CTSC: variants seen among roughly 807,000 people sequenced by gnomAD.
CTSC encodes the protein cathepsin C.
CTSC carries 37 observed loss-of-function variants against 40.9 expected under a neutral mutation model. That is an observed-to-expected ratio of 0.91 (90% CI 0.70 to 1.19). CTSC has a LOEUF of 1.19. Ranked by LOEUF, CTSC falls within the 50% of genes most tolerant of loss-of-function variation. CTSC has a pLI of 0.00. For missense variants in CTSC, 594 were observed against 567.3 expected (o/e 1.05, Z -0.48); for synonymous variants, 232 against 207.4 (o/e 1.12, Z -1.02).
rs550944853 is a variant in CTSC at position 88,310,297 on chromosome 11, C to T, written c.486-979G>A. Reference sequence around the variant, plus strand: ...GATATATATGTAAATAGATTCAACACACAAAGAGCATATTTACAAAGTAGA... The same window carrying T: ...GATATATATGTAAATAGATTCAACATACAAAGAGCATATTTACAAAGTAGA... On this transcript the variant is annotated intron_variant, in intron 3 of 6. Coordinates refer to ENST00000227266, the MANE Select transcript of CTSC (RefSeq NM_001814.6). Among the ~76,000 whole-genome samples, 3 of 151,448 alleles carry T rather than the reference C, an allele frequency of 2.0e-5. No homozygotes were observed. In the South Asian group the frequency reaches 6.2e-4, roughly 32 times the overall value.
At chr11:88,324,283 C>G (rs756909283) in intron 2 of CTSC, 39 of 740,192 alleles carry the variant, frequency 5.3e-5, no homozygotes, top group Non-Finnish European at 5.9e-5. Context: ...AAATGTAAAA[C>G]CCAAAACAAT....
chr11:88,294,290 T>C lies in CTSC; in HGVS notation c.1108A>G (p.Met370Val). 1 of 1,614,128 alleles carries C rather than the reference T, an allele frequency of 6.2e-7. No homozygotes were observed. Among genetic ancestry groups the C allele is most frequent in the East Asian group, 2.2e-5 (1 of 44,870 alleles). Residue 370 changes from methionine (M) to valine (V), a missense_variant, in exon 7 of 7, where the codon ATG becomes GTG. Met to Val is a conservative substitution (Grantham distance 21). Coordinates refer to ENST00000227266, the MANE Select transcript of CTSC (RefSeq NM_001814.6). ...MKLELVHHGP[M>V]AVAFEVYDDF... ...TCATATACTTCAAAAGCAACTGCCA[T>C]GGGCCCATGATGGACCAACTCAAGC... is the stretch of plus-strand genomic sequence containing the variant.
chr11:88,314,504 T>G (rs912234890), intron 2 of CTSC, among the ~76,000 whole-genome samples: 5 of 152,172 alleles, frequency 3.3e-5, no homozygotes, highest in African/African-American at 1.2e-4. Flanking sequence ...TATCCGCATC[T>G]TGCTTTTATC....
At chr11:88,325,036 C>G in intron 2 of CTSC, 1 of 985,030 alleles carries the variant, frequency 1.0e-6, no homozygotes, top group Non-Finnish European at 1.2e-6. Flanking sequence ...GAAAGTCCAC[C>G]CAGACAATAT....
At chr11:88,336,145 A>G (rs11019394) in intron 1 of CTSC, among the ~76,000 whole-genome samples, 15,222 of 151,258 alleles carry the variant, frequency 0.1, 1,115 homozygotes, top group East Asian at 0.37. Flanking sequence ...AAGTTTTTCC[A>G]TGTTTGAGAG....
chr11:88,303,691 C>G (rs1213777587), intron 4 of CTSC, among the ~76,000 whole-genome samples: 2 of 152,118 alleles, frequency 1.3e-5, no homozygotes, highest in African/African-American at 4.8e-5. Context: ...ATCAAATAGG[C>G]ACAACTGACA....
At chr11:88,333,228 T>A (rs1488025259) in intron 2 of CTSC, among the ~76,000 whole-genome samples, 2 of 152,198 alleles carry the variant, frequency 1.3e-5, no homozygotes, top group Admixed American at 6.5e-5. Context: ...TTTCTCCAAT[T>A]CTGCAGAATT....
chr11:88,326,484 T>C (rs1938191609), intron 2 of CTSC: 1 of 1,241,298 alleles, frequency 8.1e-7, no homozygotes, highest in African/African-American at 1.5e-5. Context: ...CCAACAAGGA[T>C]CATATTGTCT....
chr11:88,301,835 CAGAGAG>C (rs57004268), intron 4 of CTSC, among the ~76,000 whole-genome samples: 21 of 150,590 alleles, frequency 1.4e-4, no homozygotes, highest in Non-Finnish European at 2.7e-4. Flanking sequence ...CACACACACA[CAGAGAG>C]AGAACCACAG....
chr11:88,312,373 T>C lies in CTSC; in HGVS notation c.485+15A>G. The C allele has an allele frequency of 6.2e-7, 1 of 1,613,432 alleles. No homozygotes were observed. The highest frequency in any genetic ancestry group is 1.3e-5 in the African/African-American group (1 of 75,020). ...AAAACAAAACTAAACGTATGTCTCA[T>C]TTGTAGCAACTCACTTTTCCTGAGA... is the stretch of plus-strand genomic sequence containing the variant. On this transcript the variant is annotated intron_variant, in intron 3 of 6. Coordinates refer to ENST00000227266, the MANE Select transcript of CTSC (RefSeq NM_001814.6).
At chr11:88,296,537 G>A in intron 5 of CTSC, 1 of 391,062 alleles carries the variant, frequency 2.6e-6, no homozygotes, top group South Asian at 2.2e-5. Flanking sequence ...CATAATTTCT[G>A]AGAAGCTTTT....
intron 2 of CTSC, chr11:88,325,649 G>A: frequency 1.0e-6 from 1 of 984,850 alleles, no homozygotes; most frequent in Non-Finnish European, 1.2e-6. Flanking sequence ...AACTTTTGTA[G>A]CTTATAGTAT....
chr11:88,329,016 T>A (rs1409429427), intron 2 of CTSC, among the ~76,000 whole-genome samples: 1 of 152,180 alleles, frequency 6.6e-6, no homozygotes, highest in Non-Finnish European at 1.5e-5. Flanking sequence ...TGCTTCACTA[T>A]CACCAAATAA....
At chr11:88,309,448 G>T in intron 3 of CTSC, 130 bp from the exon 4 acceptor site, 1 of 803,586 alleles carries the variant, frequency 1.2e-6, no homozygotes, top group Non-Finnish European at 2.2e-6. Context: ...TTGGCAATAT[G>T]TATCAATAGC....
At chr11:88,331,860 A>AG (rs1257884243) in intron 2 of CTSC, among the ~76,000 whole-genome samples, 4 of 152,164 alleles carry the variant, frequency 2.6e-5, no homozygotes, top group African/African-American at 9.7e-5. Flanking sequence ...AAAGGAGGGT[A>AG]GGAGAAGATC....
intron 2 of CTSC, chr11:88,324,302 CT>C: frequency 1.2e-6 from 1 of 867,882 alleles, no homozygotes; most frequent in Non-Finnish European, 1.4e-6. Context: ...ATAAAACACC[CT>C]AGAAGAAAAT....
Position 88,335,191 on chromosome 11 carries a change from C to T in CTSC, c.173-109G>A, listed in dbSNP as rs972671032. On this transcript the variant is annotated intron_variant, in intron 1 of 6. Coordinates refer to ENST00000227266, the MANE Select transcript of CTSC (RefSeq NM_001814.6). ...TGTGCTGCTTTCCTTTCATGCTACC[C>T]AGTTTGAGCACAGTCTGCCTAGTGA... 20 of 781,512 alleles carry T rather than the reference C, an allele frequency of 2.6e-5. No individual in the cohort carries two copies. In the Admixed American group the frequency reaches 4.0e-4, roughly 16 times the overall value. 48.4% of individuals were successfully genotyped at this position (781,512 alleles called of 1,614,324 possible). A position where few individuals can be genotyped will look rare whatever the true frequency, so the allele number is the denominator to read the frequency against.
Position 88,312,481 on chromosome 11 carries a change from C to G in CTSC, c.392G>C (p.Gly131Ala). The change falls in exon 3 of 7, where the codon GGC becomes GCC. Residue 131 changes from glycine (G) to alanine (A), a missense_variant. Transcript: ENST00000227266. ...TCCGGTGAAACAAGCCCAGTTCCGGCCCAACACATCATGCACCCACCCAGT... is the reference window on the plus strand; with the variant it reads ...TCCGGTGAAACAAGCCCAGTTCCGGGCCAACACATCATGCACCCACCCAGT... ...TMTGWVHDVL[G>A]RNWACFTGKK... The G allele has an allele frequency of 6.2e-7, 1 of 1,614,184 alleles. No homozygotes were observed. Among genetic ancestry groups the G allele is most frequent in the African/African-American group, 1.3e-5 (1 of 75,022 alleles).
intron 2 of CTSC, among the ~76,000 whole-genome samples, chr11:88,316,570 T>G (rs1056120205): frequency 2.6e-5 from 4 of 151,798 alleles, no homozygotes; most frequent in Middle Eastern, 3.2e-3. Context: ...AACTCATTTA[T>G]TTTTCACGAT....
Sources: gnomAD v4.1 joint callset for allele counts (sites outside exome capture counted in the v4.1 genomes callset) on GRCh38, gnomAD v4.1.1 for gene constraint, MANE v1.5 for transcripts, NCBI Gene and HGNC (gene_info 2026-07-23, HGNC 2026-07-21) for gene names.